Variants in ADCY9 observed in about 807,000 individuals in gnomAD.
ADCY9 encodes the protein adenylate cyclase 9.
A neutral mutation model predicts 101.5 loss-of-function variants in ADCY9; 50 were observed. That is an observed-to-expected ratio of 0.49 (90% CI 0.39 to 0.62). ADCY9 has a LOEUF of 0.62. ADCY9 is among the 20% of genes least tolerant of loss of function. ADCY9 has a pLI of 0.00. For synonymous variants in ADCY9, 905 were observed against 769.3 expected, an observed-to-expected ratio of 1.18 and a Z score of -2.92; for missense variants, 1,662 against 1,800.4, an observed-to-expected ratio of 0.92 and a Z score of 1.39.
chr16:4,114,765 C>T lies in ADCY9; in HGVS notation c.678G>A (p.Met226Ile). 6.2e-7 allele frequency: 1 copy of T among 1,613,248 alleles called. No homozygotes were observed. The highest frequency in any genetic ancestry group is 8.5e-7 in the Non-Finnish European group (1 of 1,180,040). The change falls in exon 2 of 11, where the codon ATG (methionine) becomes ATA (isoleucine). Residue 226 changes from methionine to isoleucine, a missense_variant. Physicochemically the swap from Met to Ile is conservative, Grantham distance 10. Around this residue, in one of 5 missense-constraint regions of ADCY9, gnomAD observed 422 missense variants for 392.0 expected, o/e 1.08. Coordinates refer to ENST00000294016, the MANE Select transcript of ADCY9 (RefSeq NM_001116.4). This position sits in a 1 kb window ranked among gnomAD's most constrained non-coding sequence, Gnocchi z 4.3. ...AGAGCAAAAAGAGCACTTCGATGCA[C>T]ATGGAGAAGCTCCCCACTTGAGATA... Reference protein sequence around the residue: ...TCLSQVGSFSMCIEVLFLLYT... With the variant: ...TCLSQVGSFSICIEVLFLLYT...
At chr16:4,086,129 G>A (rs1013979331) in intron 2 of ADCY9, among the ~76,000 whole-genome samples, 2 of 151,876 alleles carry the variant, frequency 1.3e-5, no homozygotes, top group East Asian at 1.9e-4. Context: ...GGGGAAGGTG[G>A]CGACGCAATG....
intron 2 of ADCY9, chr16:4,032,838 CTT>C (rs2056565060): frequency 6.6e-6 from 1 of 152,162 alleles, no homozygotes; most frequent in Non-Finnish European, 1.5e-5. Context: ...TAAAAAGAGA[CTT>C]TACAGAAAAA....
At chr16:4,002,732 C>T (rs1248140180) in intron 3 of ADCY9, among the ~76,000 whole-genome samples, 2 of 152,096 alleles carry the variant, frequency 1.3e-5, no homozygotes, top group Non-Finnish European at 2.9e-5. Context: ...CTTTTCTTTT[C>T]GAGATGGAGT....
In ADCY9 at chr16:4,116,200, C is replaced by G. The variant is rs1328747741; in HGVS notation, c.-554G>C. On this transcript the variant is annotated 5_prime_UTR_variant, in exon 1 of 11. Coordinates refer to ENST00000294016, the MANE Select transcript of ADCY9 (RefSeq NM_001116.4). The stretch of plus-strand genomic sequence containing the variant: ...GCCGCGGCCGCAGCTGTCCCGGGAC[C>G]GAGCGCGTGGAACCACGGACGCGGG... 6.8e-6 allele frequency: 1 copy of G among 146,168 alleles called. No homozygotes were observed. The highest frequency in any genetic ancestry group is 1.5e-5 in the Non-Finnish European group (1 of 65,754). 9.1% of individuals were successfully genotyped at this position (146,168 alleles called of 1,614,324 possible). A position where few individuals can be genotyped will look rare whatever the true frequency, so the allele number is the denominator to read the frequency against.
At chr16:3,967,696 C>CTTT (rs35803770) in intron 10 of ADCY9, among the ~76,000 whole-genome samples, 2,008 of 129,562 alleles carry the variant, frequency 0.015, 63 homozygotes, top group African/African-American at 0.054. Context: ...GGCCTAACAT[C>CTTT]TTTTTTTTTT....
At chr16:3,988,525 TCGGGGTTCCTTTC>T (rs2056215752) in intron 6 of ADCY9, among the ~76,000 whole-genome samples, 6 of 41,708 alleles carry the variant, frequency 1.4e-4, no homozygotes, top group Non-Finnish European at 2.7e-4. Flanking sequence ...AGGGCAGGTG[TCGGGGTTCCTTTC>T]CAGGGCAGGT....
At chr16:4,055,259 G>A (rs1005558421) in intron 2 of ADCY9, among the ~76,000 whole-genome samples, 3 of 152,150 alleles carry the variant, frequency 2.0e-5, no homozygotes, top group Non-Finnish European at 4.4e-5. Context: ...GGGGTCAGGC[G>A]TGGTGGCTTA....
At chr16:4,032,613 G>C (rs2056563524) in intron 2 of ADCY9, among the ~76,000 whole-genome samples, 1 of 151,136 alleles carries the variant, frequency 6.6e-6, no homozygotes, top group South Asian at 2.1e-4. Context: ...TGGTTCAAGA[G>C]ATTCTCGTGC....
intron 5 of ADCY9, among the ~76,000 whole-genome samples, chr16:3,956,672 T>TC (rs35828111): frequency 6.6e-6 from 1 of 150,878 alleles, no homozygotes; most frequent in African/African-American, 2.4e-5. Flanking sequence ...TTTTTTTTTT[T>TC]CTAGTAGAAG....
At chr16:4,112,796 A>G (rs928263224) in intron 2 of ADCY9, among the ~76,000 whole-genome samples, 1 of 152,206 alleles carries the variant, frequency 6.6e-6, no homozygotes, top group African/African-American at 2.4e-5. Flanking sequence ...TTAGTAAAAC[A>G]TAAGGACTGT....
intron 2 of ADCY9, among the ~76,000 whole-genome samples, chr16:4,023,446 C>A (rs145905725): frequency 1.8e-4 from 27 of 152,246 alleles, no homozygotes; most frequent in African/African-American, 6.0e-4. Flanking sequence ...GAGGCAATTG[C>A]GGTGGTGTAG....
Position 3,966,332 on chromosome 16 carries a change from G to A in ADCY9, c.3505C>T (p.His1169Tyr). Reference protein sequence around the residue: ...FNFKLRVGFNHGPLTAGVIGT... With the variant: ...FNFKLRVGFNYGPLTAGVIGT... The stretch of plus-strand genomic sequence containing the variant: ...ATGACCCCGGCCGTGAGGGGCCCAT[G>A]GTTGAAGCCGACGCGGAGCTTGAAG... The change falls in exon 11 of 11, where the codon CAT becomes TAT. Residue 1169 changes from histidine (H) to tyrosine (Y), a missense_variant. This residue lies in a region of ADCY9 where 220 missense variants were observed against 312.9 expected (regional missense o/e 0.70). Transcript: ENST00000294016. 6.2e-7 allele frequency: 1 copy of A among 1,614,120 alleles called. No homozygotes were observed. The highest frequency in any genetic ancestry group is 1.1e-5 in the South Asian group (1 of 91,082).
intron 2 of ADCY9, among the ~76,000 whole-genome samples, chr16:4,041,810 G>A (rs1228570914): frequency 4.7e-5 from 7 of 149,532 alleles, no homozygotes; most frequent in Admixed American, 4.7e-4. Flanking sequence ...GGAGTACGGT[G>A]GAGTAATCAC....
At chr16:4,102,272 CT>C (rs2057048119) in intron 2 of ADCY9, among the ~76,000 whole-genome samples, 1 of 152,066 alleles carries the variant, frequency 6.6e-6, no homozygotes, top group Admixed American at 6.6e-5. Context: ...TGCAGCGCCC[CT>C]AGGTAGCTTG....
At chr16:4,102,573 GT>G (rs2057050347) in intron 2 of ADCY9, among the ~76,000 whole-genome samples, 1 of 152,134 alleles carries the variant, frequency 6.6e-6, no homozygotes, top group Non-Finnish European at 1.5e-5. Flanking sequence ...CCACAGGCAT[GT>G]GCCACCATGC....
chr16:4,064,984 A>C (rs1007480218), intron 2 of ADCY9, among the ~76,000 whole-genome samples: 1 of 152,166 alleles, frequency 6.6e-6, no homozygotes, highest in East Asian at 1.9e-4. Context: ...GAGCGAATAC[A>C]CAGAGTGACA....
chr16:4,007,652 G>A (rs1466540762), intron 2 of ADCY9, 94 bp from the exon 3 acceptor site: 1 of 1,065,612 alleles, frequency 9.4e-7, no homozygotes, highest in South Asian at 1.6e-5. Context: ...CTCACTCCTG[G>A]AAAGTTGAGA....
intron 2 of ADCY9, among the ~76,000 whole-genome samples, chr16:4,045,303 G>A (rs2056654930): frequency 6.6e-6 from 1 of 152,084 alleles, no homozygotes; most frequent in East Asian, 1.9e-4. Flanking sequence ...TAGTTAGGAA[G>A]GAGCCAAACG....
In ADCY9 at chr16:3,965,065, A is replaced by T. The variant is rs2055976268; in HGVS notation, c.*710T>A. On this transcript the variant is annotated 3_prime_UTR_variant, in exon 11 of 11. Coordinates refer to ENST00000294016, the MANE Select transcript of ADCY9 (RefSeq NM_001116.4). Reference sequence around the variant, plus strand: ...CACACGGGCGTCGTGCCCGGCTGGCATTTGCTGTCTTGGCCTGCATGCATG... The same window carrying T: ...CACACGGGCGTCGTGCCCGGCTGGCTTTTGCTGTCTTGGCCTGCATGCATG... The T allele has an allele frequency of 6.6e-6, 1 of 152,174 alleles. No individual in the cohort carries two copies. The highest frequency in any genetic ancestry group is 6.5e-5 in the Admixed American group (1 of 15,284). 9.4% of individuals were successfully genotyped at this position (152,174 alleles called of 1,614,324 possible). A position where few individuals can be genotyped will look rare whatever the true frequency, so the allele number is the denominator to read the frequency against.
Sources: gnomAD v4.1 joint callset for allele counts (sites outside exome capture counted in the v4.1 genomes callset) on GRCh38, gnomAD v4.1.1 for gene constraint, gnomAD v4.1.1 regional missense constraint, Gnocchi (gnomAD v3.1) non-coding constraint, MANE v1.5 for transcripts, NCBI Gene and HGNC (gene_info 2026-07-23, HGNC 2026-07-21) for gene names.